The following SCAF4 variants were observed in gnomAD, a reference collection of about 807,000 sequenced individuals.
SCAF4 encodes the protein SR-related CTD associated factor 4.
SCAF4 carries 25 observed loss-of-function variants against 129.8 expected under a neutral mutation model. That is an observed-to-expected ratio of 0.19 (90% CI 0.14 to 0.27). The LOEUF is 0.27. Ranked by LOEUF, SCAF4 falls within the 10% of genes least tolerant of loss-of-function variation. The pLI is 1.00. For synonymous variants in SCAF4, 551 were observed against 497.7 expected (o/e 1.11, Z -1.43); for missense variants, 1,246 against 1,457.1 (o/e 0.86, Z 2.36).
chr21:31,675,822 C>T (rs974160973), intron 19 of SCAF4, among the ~76,000 whole-genome samples: 4 of 152,062 alleles, frequency 2.6e-5, no homozygotes, highest in Non-Finnish European at 5.9e-5. Context: ...GACACCATTG[C>T]CATCTACAGC....
At chr21:31,695,404 G>A (rs1414353167) in intron 9 of SCAF4, among the ~76,000 whole-genome samples, 4 of 151,568 alleles carry the variant, frequency 2.6e-5, no homozygotes, top group African/African-American at 9.7e-5. Context: ...ATAACCAAGG[G>A]GGAATTTCAA....
chr21:31,685,766 T>C, intron 16 of SCAF4, 33 bp from the exon 17 acceptor site: 1 of 1,533,176 alleles, frequency 6.5e-7, no homozygotes, highest in Non-Finnish European at 8.7e-7. Context: ...AAACCACCTA[T>C]CTAGACACCC....
intron 19 of SCAF4, among the ~76,000 whole-genome samples, chr21:31,675,700 G>A (rs2049836362): frequency 6.6e-6 from 1 of 152,138 alleles, no homozygotes; most frequent in East Asian, 1.9e-4. Context: ...ATTCAAATTT[G>A]GGAAGTATGG....
intron 16 of SCAF4, among the ~76,000 whole-genome samples, 187 bp downstream of exon 16, chr21:31,688,114 CAAAAAA>C (rs61592268): frequency 1.2e-3 from 13 of 10,902 alleles, no homozygotes; most frequent in South Asian, 3.8e-3. Flanking sequence ...GACTCTGTCT[CAAAAAA>C]AAAAAAAAAA....
intron 1 of SCAF4, among the ~76,000 whole-genome samples, chr21:31,726,735 C>T (rs1359421864): frequency 6.6e-6 from 1 of 152,114 alleles, no homozygotes; most frequent in African/African-American, 2.4e-5. Flanking sequence ...CCTACACATG[C>T]GCACCAGGAG....
At chr21:31,679,299 T>C (rs759963566) in intron 19 of SCAF4, among the ~76,000 whole-genome samples, 31 of 152,202 alleles carry the variant, frequency 2.0e-4, no homozygotes, top group Non-Finnish European at 4.1e-4. Context: ...CACTCATCTC[T>C]TTCATCAATA....
Position 31,692,458 on chromosome 21 carries a change from A to T in SCAF4, c.1514-9T>A. On this transcript the variant is annotated splice_polypyrimidine_tract_variant and intron_variant, in intron 12 of 19. Transcript: ENST00000286835. The stretch of plus-strand genomic sequence containing the variant: ...GAGGGTAGTACTGCAAACTTAAAAT[A>T]AAATTACAATCATAAAGAGATTCAC... 1 of 1,584,884 alleles carries T rather than the reference A, an allele frequency of 6.3e-7. No homozygotes were observed. Among genetic ancestry groups the T allele is most frequent in the Non-Finnish European group, 8.7e-7 (1 of 1,153,976 alleles).
chr21:31,696,159 A>G lies in SCAF4; in HGVS notation c.1022T>C (p.Phe341Ser), dbSNP rs1468994083. ...TTGTATTCCCATCATTCGTGGCTGA[A>G]ACTGATCCATATTTTGATGCTGTGT... The part of the protein sequence containing the change: ...AYTQHQNMDQ[F>S]QPRMMGIQQD... Residue 341 changes from phenylalanine to serine, a missense_variant, in exon 9 of 20, where the codon TTT becomes TCT. By Grantham distance (155) the Phe-to-Ser change is radical. Around this residue, in one of 6 missense-constraint regions of SCAF4, gnomAD observed 236 missense variants for 210.0 expected, o/e 1.12. Transcript: ENST00000286835. 3.1e-6 allele frequency: 5 copies of G among 1,613,978 alleles called. No homozygotes were observed. The highest frequency in any genetic ancestry group is 4.2e-6 in the Non-Finnish European group (5 of 1,179,944).
intron 16 of SCAF4, among the ~76,000 whole-genome samples, chr21:31,686,537 G>T (rs555852228): frequency 1.3e-5 from 2 of 152,070 alleles, no homozygotes; most frequent in East Asian, 1.9e-4. Context: ...CAGATTAAAT[G>T]AGTTAATACA....
Position 31,712,932 on chromosome 21 carries a change from T to C in SCAF4, c.31-6575A>G, listed in dbSNP as rs2050839307. 7 of 935,102 alleles carry C rather than the reference T, an allele frequency of 7.5e-6. 1 individual carries two copies. In the South Asian group the frequency reaches 3.5e-4, roughly 46 times the overall value. The allele number at this position is 935,102 out of a possible 1,614,324, so 57.9% of individuals were successfully genotyped here. A position where few individuals can be genotyped will look rare whatever the true frequency, so the allele number is the denominator to read the frequency against. ...AATAATCAGTGCTTAATAAATGTCTTGGTCTCTAACTCCTACCCCCTCTCA... is the reference window on the plus strand; with the variant it reads ...AATAATCAGTGCTTAATAAATGTCTCGGTCTCTAACTCCTACCCCCTCTCA... On this transcript the variant is annotated intron_variant, in intron 1 of 19. Transcript: ENST00000286835.
chr21:31,682,222 T>C (rs1000909196), intron 19 of SCAF4, among the ~76,000 whole-genome samples: 2 of 151,942 alleles, frequency 1.3e-5, no homozygotes, highest in Non-Finnish European at 2.9e-5. Flanking sequence ...CTACTAAAAA[T>C]AGAAAAATCA....
intron 7 of SCAF4, among the ~76,000 whole-genome samples, chr21:31,698,091 G>C (rs73201523): frequency 0.034 from 5,110 of 152,188 alleles, 128 homozygotes; most frequent in Non-Finnish European, 0.047. Flanking sequence ...CAAAACCTAT[G>C]ATCTTCACAG....
intron 19 of SCAF4, among the ~76,000 whole-genome samples, chr21:31,682,414 A>G (rs17660613): frequency 0.057 from 8,614 of 152,222 alleles, 294 homozygotes; most frequent in African/African-American, 0.088. Context: ...GTCTGCCAAT[A>G]TAACAGTTTA....
At chr21:31,705,265 C>A (rs536045461) in intron 3 of SCAF4, among the ~76,000 whole-genome samples, 158 bp downstream of exon 3, 4 of 152,136 alleles carry the variant, frequency 2.6e-5, no homozygotes, top group East Asian at 1.9e-4. Context: ...AATGGTACTG[C>A]TAAAAATGTG....
intron 1 of SCAF4, among the ~76,000 whole-genome samples, chr21:31,720,778 A>C (rs1053717651): frequency 1.3e-5 from 2 of 152,140 alleles, no homozygotes; most frequent in Non-Finnish European, 2.9e-5. Flanking sequence ...CCTTCCCTTA[A>C]ACTGTTCCCA....
intron 1 of SCAF4, among the ~76,000 whole-genome samples, chr21:31,725,899 GTTA>G (rs2123693799): frequency 6.6e-6 from 1 of 152,152 alleles, no homozygotes; most frequent in East Asian, 1.9e-4. Context: ...CATTAAAAAT[GTTA>G]TTTATATTAA....
intron 7 of SCAF4, among the ~76,000 whole-genome samples, chr21:31,697,901 T>G (rs2050427206): frequency 6.6e-6 from 1 of 152,206 alleles, no homozygotes; most frequent in African/African-American, 2.4e-5. Context: ...ACAGGAACCA[T>G]CACAGCCCAG....
intron 1 of SCAF4, among the ~76,000 whole-genome samples, chr21:31,723,977 A>G (rs1411737966): frequency 6.6e-6 from 1 of 152,148 alleles, no homozygotes; most frequent in Non-Finnish European, 1.5e-5. Context: ...GCTGAGTTAC[A>G]CTGGTTTTCT....
At chr21:31,690,039 G>A (rs182350252) in intron 15 of SCAF4, among the ~76,000 whole-genome samples, 2 of 152,238 alleles carry the variant, frequency 1.3e-5, no homozygotes, top group East Asian at 1.9e-4. Context: ...TGCATTCTGT[G>A]ATTTTCCCCC....
Sources: allele counts gnomAD v4.1 joint callset (sites outside exome capture counted in the v4.1 genomes callset), GRCh38; gene constraint gnomAD v4.1.1; regional missense constraint gnomAD v4.1.1; transcripts MANE v1.5; gene names NCBI Gene and HGNC (gene_info 2026-07-23, HGNC 2026-07-21).